PKHD1L1: variants seen among roughly 807,000 people sequenced by gnomAD.
PKHD1L1 encodes the protein fibrocystin-L.
In PKHD1L1, 434 loss-of-function variants were observed where a neutral mutation model predicts 462.9. The ratio of observed to expected loss-of-function variants is 0.94; its 90% CI spans 0.87 to 1.02. The LOEUF is 1.02. Ranked by LOEUF, PKHD1L1 falls within the 50% of genes least tolerant of loss-of-function variation. The probability of loss-of-function intolerance (pLI) is 0.00; values close to 1 mark genes in which losing one functional copy is unlikely to be tolerated. For missense variants in PKHD1L1, 5,202 were observed against 5,096.1 expected, an observed-to-expected ratio of 1.02 and a Z score of -0.63; for synonymous variants, 1,781 against 1,750.0, an observed-to-expected ratio of 1.02 and a Z score of -0.44.
rs774472649 is a variant in PKHD1L1, at chr8:109,508,224, A to G, written c.11355A>G (p.Pro3785=). 4 of 1,612,810 alleles carry G rather than the reference A, an allele frequency of 2.5e-6. No individual in the cohort carries two copies. In the Admixed American group the frequency reaches 5.0e-5, roughly 20 times the overall value. The change falls in exon 70 of 78, where the codon CCA becomes CCG. Residue 3785 remains proline (P), a synonymous_variant. Transcript: ENST00000378402. ...DPDTETRRLS[P]VAIMGNGYVD... ...ACACAGAAACTCGAAGACTTTCCCCAGTGGCTATAATGGGCAACGGTTATG... is the reference window on the plus strand; with the variant it reads ...ACACAGAAACTCGAAGACTTTCCCCGGTGGCTATAATGGGCAACGGTTATG...
intron 21 of PKHD1L1, 29 bp from the exon 22 acceptor site, chr8:109,419,068 A>T (rs1339465575): frequency 6.3e-7 from 1 of 1,590,832 alleles, no homozygotes; most frequent in South Asian, 1.1e-5. Context: ...CCACTGATCT[A>T]TACAACAAAT....
intron 47 of PKHD1L1, among the ~76,000 whole-genome samples, chr8:109,460,925 G>T (rs1160670338): frequency 2.0e-5 from 3 of 152,122 alleles, no homozygotes; most frequent in Non-Finnish European, 4.4e-5. Context: ...GCAACTCATT[G>T]CTTTGGTCTC....
intron 59 of PKHD1L1, among the ~76,000 whole-genome samples, 165 bp downstream of exon 59, chr8:109,486,986 T>G (rs1191116667): frequency 1.3e-5 from 2 of 152,058 alleles, no homozygotes; most frequent in Middle Eastern, 3.2e-3. Flanking sequence ...TAAATTCTCT[T>G]AAATTACTGC....
intron 3 of PKHD1L1, among the ~76,000 whole-genome samples, 162 bp downstream of exon 3, chr8:109,381,676 G>T (rs1812124177): frequency 6.6e-6 from 1 of 151,864 alleles, no homozygotes. Context: ...ACTATTTTAT[G>T]CATTTATTAT....
At chr8:109,369,168 G>A (rs1174261851) in intron 2 of PKHD1L1, among the ~76,000 whole-genome samples, 1 of 151,544 alleles carries the variant, frequency 6.6e-6, no homozygotes, top group Non-Finnish European at 1.5e-5. Context: ...TAGAGACAGG[G>A]TTTCACCATC....
chr8:109,423,867 G>A (rs1814602023), intron 23 of PKHD1L1, among the ~76,000 whole-genome samples: 2 of 152,146 alleles, frequency 1.3e-5, no homozygotes, highest in African/African-American at 4.8e-5. Context: ...TCTAGTACAT[G>A]TTTTGTGAGA....
chr8:109,520,407 G>C (rs1450514321), intron 73 of PKHD1L1, among the ~76,000 whole-genome samples: 1 of 151,896 alleles, frequency 6.6e-6, no homozygotes, highest in African/African-American at 2.4e-5. Flanking sequence ...AAAGAAACTG[G>C]GATTTATTTC....
intron 55 of PKHD1L1, chr8:109,480,547 G>A: frequency 2.2e-6 from 1 of 452,484 alleles, no homozygotes; most frequent in South Asian, 1.6e-5. Flanking sequence ...AGATGGAATT[G>A]TGAAAGCAAG....
At chr8:109,512,975 A>C (rs943651343) in intron 71 of PKHD1L1, among the ~76,000 whole-genome samples, 1 of 152,012 alleles carries the variant, frequency 6.6e-6, no homozygotes, top group Admixed American at 6.6e-5. Context: ...ATGGGAGTTC[A>C]CTCATGATTT....
At chr8:109,430,073 A>C (rs752834582) in intron 27 of PKHD1L1, 36 bp downstream of exon 27, 2 of 1,342,660 alleles carry the variant, frequency 1.5e-6, no homozygotes, top group South Asian at 2.5e-5. Context: ...CTGGGTGTGA[A>C]AGATAATCAG....
chr8:109,492,285 A>T (rs923964130), intron 62 of PKHD1L1, among the ~76,000 whole-genome samples: 3 of 151,838 alleles, frequency 2.0e-5, no homozygotes, highest in African/African-American at 7.2e-5. Context: ...TTTCCTCCCT[A>T]AAAATGAAAA....
In PKHD1L1 at chr8:109,445,492, A is replaced by G. The variant is rs1586530625; in HGVS notation, c.5623A>G (p.Ile1875Val). The change falls in exon 38 of 78, where the codon ATC (isoleucine) becomes GTC (valine). Residue 1875 changes from isoleucine to valine, a missense_variant. Ile to Val is a conservative substitution (Grantham distance 29, BLOSUM62 3). This residue lies in a region of PKHD1L1 where 4,497 missense variants were observed against 4,336.8 expected (regional missense o/e 1.04). Coordinates refer to ENST00000378402, the MANE Select transcript of PKHD1L1 (RefSeq NM_177531.6). ...IGDEPCQIIS[I>V]NPNEVYCRTP... is the part of the protein sequence containing the mutation. ...GGATGAACCTTGTCAAATTATTTCCATCAACCCCAATGAAGTCTACTGCCG... is the reference window on the plus strand; with the variant it reads ...GGATGAACCTTGTCAAATTATTTCCGTCAACCCCAATGAAGTCTACTGCCG... 1 of 1,613,828 alleles carries G rather than the reference A, an allele frequency of 6.2e-7. No homozygotes were observed. Among genetic ancestry groups the G allele is most frequent in the Non-Finnish European group, 8.5e-7 (1 of 1,179,830 alleles).
At chr8:109,501,822 T>A (rs1219962220) in intron 67 of PKHD1L1, among the ~76,000 whole-genome samples, 1 of 152,202 alleles carries the variant, frequency 6.6e-6, no homozygotes, top group East Asian at 1.9e-4. Context: ...TATTGAATGC[T>A]TATTGGTGGG....
At position 109,452,784 on chromosome 8, in the gene PKHD1L1, C is replaced by A; in HGVS notation, c.6574C>A (p.Pro2192Thr). ...TTTCTCATGGGGGGGAAAATCTCCC[C>A]CAGAAGAAGGATCTCTTGTTGTTAT... is the stretch of plus-strand genomic sequence containing the variant. The part of the protein sequence containing the change: ...SNFSWGGKSP[P>T]EEGSLVVITK... The change falls in exon 43 of 78, where the codon CCA becomes ACA. Residue 2192 changes from proline to threonine, a missense_variant. Transcript: ENST00000378402. The A allele has an allele frequency of 6.5e-7, 1 of 1,531,380 alleles. No homozygotes were observed. The highest frequency in any genetic ancestry group is 2.2e-5 in the Admixed American group (1 of 45,838). The allele number at this position is 1,531,380 out of a possible 1,614,324, so 94.9% of individuals were successfully genotyped here. A position where few individuals can be genotyped will look rare whatever the true frequency, so the allele number is the denominator to read the frequency against.
At chr8:109,503,467 G>A (rs896749237) in intron 67 of PKHD1L1, among the ~76,000 whole-genome samples, 1 of 152,078 alleles carries the variant, frequency 6.6e-6, no homozygotes, top group African/African-American at 2.4e-5. Flanking sequence ...CTAATCTACA[G>A]GTTTGTATTC....
intron 45 of PKHD1L1, among the ~76,000 whole-genome samples, chr8:109,455,207 G>A (rs1816751471): frequency 6.6e-6 from 1 of 152,130 alleles, no homozygotes; most frequent in Admixed American, 6.5e-5. Flanking sequence ...GCATGGTGGT[G>A]CACACCTGTA....
intron 53 of PKHD1L1, 59 bp downstream of exon 53, chr8:109,477,455 A>G (rs762299753): frequency 1.4e-6 from 2 of 1,420,498 alleles, no homozygotes; most frequent in African/African-American, 1.4e-5. Context: ...TCCTTTTCAC[A>G]TGTCACTCCT....
intron 28 of PKHD1L1, among the ~76,000 whole-genome samples, chr8:109,434,069 G>A (rs1036646662): frequency 2.0e-5 from 3 of 151,988 alleles, no homozygotes; most frequent in South Asian, 2.1e-4. Context: ...CAATGAGAAC[G>A]AGGGGAACAT....
intron 4 of PKHD1L1, 32 bp from the exon 5 acceptor site, chr8:109,384,037 TA>T: frequency 7.0e-7 from 1 of 1,420,578 alleles, no homozygotes; most frequent in Non-Finnish European, 9.9e-7. Flanking sequence ...AAAACAGAGA[TA>T]AGTTTTCATA....
Sources: allele counts gnomAD v4.1 joint callset (sites outside exome capture counted in the v4.1 genomes callset), GRCh38; gene constraint gnomAD v4.1.1; regional missense constraint gnomAD v4.1.1; transcripts MANE v1.5; gene names NCBI Gene and HGNC (gene_info 2026-07-23, HGNC 2026-07-21).